ASS1: variants seen among roughly 807,000 people sequenced by gnomAD.
ASS1 encodes the protein argininosuccinate synthase 1.
Under a neutral mutation model 60.5 loss-of-function variants are expected in ASS1, and 58 were observed. The ratio of observed to expected loss-of-function variants is 0.96; its 90% CI spans 0.78 to 1.19. ASS1 has a LOEUF of 1.19. Ranked by LOEUF, ASS1 falls within the 50% of genes most tolerant of loss-of-function variation. The pLI is 0.00. For synonymous variants in ASS1, 200 were observed against 206.9 expected (o/e 0.97, Z 0.29); for missense variants, 454 against 547.3 (o/e 0.83, Z 1.70).
rs1013656101 is a variant in ASS1, at chr9:130,478,845, G to A, written c.689-871G>A. Among the ~76,000 whole-genome samples the A allele has an allele frequency of 6.6e-5, 10 of 152,166 alleles. No homozygotes were observed. Among genetic ancestry groups the A allele is most frequent in the African/African-American group, 1.7e-4 (7 of 41,432 alleles). ...GGTTAAGAATGGCGAGGCTGACAGC[G>A]CCTTGAGTGAAGCCCCTCCAAGCGG... On this transcript the variant is annotated intron_variant, in intron 9 of 14. Transcript: ENST00000352480. The surrounding 1 kb of genome is among the most constrained non-coding windows in gnomAD (Gnocchi z 4.7).
At chr9:130,469,713 C>T (rs957334768) in intron 6 of ASS1, among the ~76,000 whole-genome samples, 1 of 152,156 alleles carries the variant, frequency 6.6e-6, no homozygotes, top group South Asian at 2.1e-4. Flanking sequence ...TAGAAAACCC[C>T]GAAACCAGAG....
At chr9:130,472,251 G>A (rs763091262) in intron 8 of ASS1, among the ~76,000 whole-genome samples, 6 of 152,140 alleles carry the variant, frequency 3.9e-5, no homozygotes, top group Non-Finnish European at 7.4e-5. Context: ...GATGCAGCTG[G>A]GCCTGGGGGA....
Position 130,458,413 on chromosome 9 carries a change from GAT to G in ASS1, c.188_189del (p.Asp63GlyfsTer21), listed in dbSNP as rs1305436274. 6.2e-7 allele frequency: 1 copy of G among 1,612,038 alleles called. No homozygotes were observed. The highest frequency in any genetic ancestry group is 1.7e-5 in the Admixed American group (1 of 60,012). ...KLGAKKVFIE[D>X]VSREFVEEFI... Reference sequence around the variant, plus strand: ...CCTCTTCCCGTAGGTGTTCATTGAGGATGTCAGCAGGGAGTTTGTGGAGGAGT... The same window carrying G: ...CCTCTTCCCGTAGGTGTTCATTGAGGGTCAGCAGGGAGTTTGTGGAGGAGT... On this transcript the variant is annotated frameshift_variant, in exon 4 of 15. Coordinates refer to ENST00000352480, the MANE Select transcript of ASS1 (RefSeq NM_054012.4). LOFTEE classifies it high-confidence loss of function.
Position 130,452,227 on chromosome 9 carries a change from C to T in ASS1, c.-2C>T, listed in dbSNP as rs1845344029. The T allele has an allele frequency of 1.2e-6, 2 of 1,614,098 alleles. No homozygotes were observed. The highest frequency in any genetic ancestry group is 8.5e-7 in the Non-Finnish European group (1 of 1,179,980). On this transcript the variant is annotated 5_prime_UTR_variant, in exon 2 of 15. Transcript: ENST00000352480. ...GTTGTTCCTCGACTCCCGCCAGACG[C>T]TATGTCCAGCAAAGGCTCCGTGGTT... is the stretch of plus-strand genomic sequence containing the variant.
intron 4 of ASS1, among the ~76,000 whole-genome samples, chr9:130,463,820 C>T (rs1170032330): frequency 1.3e-5 from 2 of 152,104 alleles, no homozygotes; most frequent in Non-Finnish European, 2.9e-5. Flanking sequence ...CAGGGCCTGG[C>T]CCCCCAGGTC....
chr9:130,471,441 A>G (rs973967493), intron 7 of ASS1, 44 bp from the exon 8 acceptor site: 4 of 1,610,484 alleles, frequency 2.5e-6, no homozygotes, highest in African/African-American at 1.3e-5. Flanking sequence ...GGGACATGCC[A>G]TGTCCCTCCC....
intron 5 of ASS1, among the ~76,000 whole-genome samples, chr9:130,464,876 C>G (rs535161390): frequency 2.1e-4 from 32 of 152,036 alleles, no homozygotes; most frequent in African/African-American, 6.0e-4. Context: ...TGAGCACCCA[C>G]TCAGCTCCAG....
intron 1 of ASS1, 138 bp downstream of exon 1, chr9:130,445,133 G>A (rs1845164514): frequency 2.0e-6 from 2 of 985,022 alleles, no homozygotes; most frequent in Non-Finnish European, 2.4e-6. Flanking sequence ...GCCACTCGCC[G>A]GGGACTGGGA....
In ASS1 at chr9:130,476,997, A is replaced by G. The variant is rs1036591318; in HGVS notation, c.688+36A>G. On this transcript the variant is annotated intron_variant, in intron 9 of 14. Coordinates refer to ENST00000352480, the MANE Select transcript of ASS1 (RefSeq NM_054012.4). The surrounding 1 kb of genome is among the most constrained non-coding windows in gnomAD (Gnocchi z 4.9). Reference sequence around the variant, plus strand: ...ACCTGTTGGGACTCGAAGGGGGTTGACTTTTGGGGCCCTGGCTCCTTTCCC... The same window carrying G: ...ACCTGTTGGGACTCGAAGGGGGTTGGCTTTTGGGGCCCTGGCTCCTTTCCC... The G allele has an allele frequency of 1.9e-6, 3 of 1,592,250 alleles. No homozygotes were observed. The African/African-American group carries it at 4.0e-5, about 21-fold the overall frequency.
rs1846745967 is a variant in ASS1, at chr9:130,501,107, T to G, written c.*86T>G. 1.4e-6 allele frequency: 2 copies of G among 1,446,076 alleles called. No homozygotes were observed. The highest frequency in any genetic ancestry group is 1.1e-5 in the South Asian group (1 of 87,738). 89.6% of individuals were successfully genotyped at this position (1,446,076 alleles called of 1,614,324 possible). ...TAATTGTTGTGATAATTTGTAATTGTGACTTGTTCTCCCCGGCTGGCAGCG... is the reference window on the plus strand; with the variant it reads ...TAATTGTTGTGATAATTTGTAATTGGGACTTGTTCTCCCCGGCTGGCAGCG... On this transcript the variant is annotated 3_prime_UTR_variant, in exon 15 of 15. Coordinates refer to ENST00000352480, the MANE Select transcript of ASS1 (RefSeq NM_054012.4).
intron 12 of ASS1, among the ~76,000 whole-genome samples, chr9:130,493,239 C>G (rs1846493427): frequency 6.6e-6 from 1 of 152,194 alleles, no homozygotes. Context: ...TGGACAGGCT[C>G]TTTCCCTCTC....
intron 5 of ASS1, among the ~76,000 whole-genome samples, chr9:130,466,049 TC>T (rs1166685891): frequency 6.6e-6 from 1 of 152,150 alleles, no homozygotes; most frequent in African/African-American, 2.4e-5. Flanking sequence ...GCGGGCCCCT[TC>T]CATTGCCCTG....
chr9:130,445,012 C>A lies in ASS1; in HGVS notation c.-6+17C>A. On this transcript the variant is annotated intron_variant, in intron 1 of 14. Transcript: ENST00000352480. ...CCGAGCCCGGTAAGGAGCCCTCGGC[C>A]CCTCTCGCTGCCCACTCCCTAGCCG... 1 of 306,392 alleles carries A rather than the reference C, an allele frequency of 3.3e-6. No individual in the cohort carries two copies. The highest frequency in any genetic ancestry group is 4.8e-6 in the Non-Finnish European group (1 of 209,304). 19.0% of individuals were successfully genotyped at this position (306,392 alleles called of 1,614,324 possible).
At chr9:130,500,578 G>A (rs967600984) in intron 14 of ASS1, among the ~76,000 whole-genome samples, 4 of 152,006 alleles carry the variant, frequency 2.6e-5, no homozygotes, top group Middle Eastern at 6.8e-3. Context: ...GTTGAAGCCC[G>A]CCCATCTGCC....
intron 11 of ASS1, among the ~76,000 whole-genome samples, chr9:130,484,628 G>C (rs1785075749): frequency 6.6e-6 from 1 of 152,116 alleles, no homozygotes. Context: ...AGGCTCAGCT[G>C]TCATTTCCTC....
rs759518085 is a variant in ASS1 at position 130,476,897 on chromosome 9, G to A, written c.624G>A (p.Thr208=). The A allele has an allele frequency of 2.5e-5, 41 of 1,613,980 alleles. No homozygotes were observed. Among genetic ancestry groups the A allele is most frequent in the South Asian group, 1.5e-4 (14 of 91,062 alleles). ...ACCAAGCGCCTCCAGGTCTCTACAC[G>A]AAGACCCAGGACCCAGCCAAAGCCC... is the stretch of plus-strand genomic sequence containing the variant. ...PKNQAPPGLY[T]KTQDPAKAPN... The change falls in exon 9 of 15, where the codon ACG becomes ACA. Residue 208 remains threonine, a synonymous_variant. Transcript: ENST00000352480. The surrounding 1 kb of genome is among the most constrained non-coding windows in gnomAD (Gnocchi z 4.9).
At chr9:130,485,388 C>T (rs975850219) in intron 11 of ASS1, among the ~76,000 whole-genome samples, 3 of 152,064 alleles carry the variant, frequency 2.0e-5, no homozygotes, top group African/African-American at 4.8e-5. Context: ...GGGCTGAGAC[C>T]GGCCAAAGTC....
chr9:130,479,625 G>A (rs890901763), intron 9 of ASS1, 91 bp from the exon 10 acceptor site: 18 of 1,034,886 alleles, frequency 1.7e-5, no homozygotes, highest in South Asian at 6.3e-5. Context: ...CATTTAAGGC[G>A]TTTCGGGAGG....
intron 1 of ASS1, among the ~76,000 whole-genome samples, chr9:130,448,548 C>T (rs1845252218): frequency 6.6e-6 from 1 of 152,138 alleles, no homozygotes; most frequent in Non-Finnish European, 1.5e-5. Context: ...ACCTGGCAGG[C>T]AGGAGGGGCT....
Sources: allele counts gnomAD v4.1 joint callset (sites outside exome capture counted in the v4.1 genomes callset), GRCh38; gene constraint gnomAD v4.1.1; non-coding constraint Gnocchi (gnomAD v3.1); transcripts MANE v1.5; gene names NCBI Gene and HGNC (gene_info 2026-07-23, HGNC 2026-07-21).